Variants in CFAP44 observed in about 807,000 individuals in gnomAD.
CFAP44 encodes the protein cilia- and flagella-associated protein 44.
In CFAP44, 134 loss-of-function variants were observed where a neutral mutation model predicts 216.2. That is an observed-to-expected ratio of 0.62 (90% CI 0.54 to 0.72). The LOEUF is 0.72. CFAP44 is among the 30% of genes least tolerant of loss of function. The probability of loss-of-function intolerance (pLI) is 0.00; values close to 1 mark genes in which losing one functional copy is unlikely to be tolerated. For missense variants in CFAP44, 2,035 were observed against 2,182.1 expected (o/e 0.93, Z 1.34); for synonymous variants, 700 against 727.6 (o/e 0.96, Z 0.61).
chr3:113,362,162 C>T (rs1950547590), intron 21 of CFAP44, among the ~76,000 whole-genome samples: 2 of 152,036 alleles, frequency 1.3e-5, no homozygotes, highest in Admixed American at 1.3e-4. Context: ...GAGAACAGGG[C>T]TTTGCTTCTC....
chr3:113,358,579 G>A (rs1253485219), intron 22 of CFAP44, among the ~76,000 whole-genome samples, 166 bp downstream of exon 22: 3 of 152,154 alleles, frequency 2.0e-5, no homozygotes, highest in African/African-American at 7.2e-5. Flanking sequence ...TGCACAGAAA[G>A]CTCAGGAAAA....
At chr3:113,371,115 T>C (rs894536182) in intron 18 of CFAP44, among the ~76,000 whole-genome samples, 18 of 152,206 alleles carry the variant, frequency 1.2e-4, no homozygotes, top group Non-Finnish European at 4.4e-5. Flanking sequence ...TCCATGTTCA[T>C]GGATAGGAAG....
chr3:113,336,656 A>G (rs1213021958), intron 24 of CFAP44, among the ~76,000 whole-genome samples: 5 of 152,210 alleles, frequency 3.3e-5, no homozygotes, highest in African/African-American at 9.6e-5. Context: ...TCCAAAAAAT[A>G]GAACAAACAG....
chr3:113,309,120 C>T (rs1288321147), intron 28 of CFAP44, among the ~76,000 whole-genome samples: 1 of 152,134 alleles, frequency 6.6e-6, no homozygotes, highest in Non-Finnish European at 1.5e-5. Context: ...CTGACTAGTT[C>T]CTGACCTTGA....
intron 28 of CFAP44, among the ~76,000 whole-genome samples, chr3:113,316,600 G>C (rs775155650): frequency 1.7e-4 from 26 of 152,274 alleles, no homozygotes; most frequent in Non-Finnish European, 2.4e-4. Context: ...TGGCTGTAGT[G>C]GCTCACGCCT....
At chr3:113,409,388 A>G in intron 6 of CFAP44, 66 bp from the exon 7 acceptor site, 1 of 1,425,714 alleles carries the variant, frequency 7.0e-7, no homozygotes, top group Non-Finnish European at 9.7e-7. Flanking sequence ...AACATATTGT[A>G]AAAAAAAGAG....
rs150202826 is a variant in CFAP44, at chr3:113,324,743, T to C, written c.4516+1702A>G. Reference sequence around the variant, plus strand: ...CATGCAATAAGGCCAGAAAATGAAATAGGCATCCTGATCAGAAATAAATAA... The same window carrying C: ...CATGCAATAAGGCCAGAAAATGAAACAGGCATCCTGATCAGAAATAAATAA... On this transcript the variant is annotated intron_variant, in intron 28 of 34. Transcript: ENST00000393845. 5.3e-5 allele frequency among the ~76,000 whole-genome samples: 8 copies of C among 152,274 alleles called. No homozygotes were observed. The East Asian group carries it at 1.5e-3, about 29-fold the overall frequency.
At chr3:113,312,331 C>T (rs2107797980) in intron 28 of CFAP44, among the ~76,000 whole-genome samples, 1 of 151,426 alleles carries the variant, frequency 6.6e-6, no homozygotes, top group East Asian at 1.9e-4. Context: ...GATCCGCCCA[C>T]CTCAGCCTCC....
At chr3:113,347,901 G>C (rs1399661107) in intron 22 of CFAP44, among the ~76,000 whole-genome samples, 1 of 152,156 alleles carries the variant, frequency 6.6e-6, no homozygotes, top group Non-Finnish European at 1.5e-5. Context: ...GTATGCATCA[G>C]TAAGGGCCAC....
At chr3:113,411,197 G>A (rs1046607748) in intron 6 of CFAP44, among the ~76,000 whole-genome samples, 2 of 152,168 alleles carry the variant, frequency 1.3e-5, no homozygotes, top group African/African-American at 4.8e-5. Flanking sequence ...TGCTTTTGGT[G>A]TTTTACACAT....
intron 28 of CFAP44, among the ~76,000 whole-genome samples, chr3:113,315,167 T>TCATA (rs1308421606): frequency 5.3e-5 from 8 of 151,180 alleles, no homozygotes; most frequent in Admixed American, 5.3e-4. Flanking sequence ...CATTATCCAA[T>TCATA]CATACGCTGA....
Position 113,296,042 on chromosome 3 carries a change from C to G in CFAP44, c.5238+683G>C, listed in dbSNP as rs113188674. 2.1e-3 allele frequency among the ~76,000 whole-genome samples: 319 copies of G among 152,252 alleles called. 2 individuals carry two copies. Among genetic ancestry groups the G allele is most frequent in the African/African-American group, 7.2e-3 (300 of 41,544 alleles). ...GTACCTAGTAGGTAATTTTTCAACC[C>G]TCACCCCCACCATCCTCCCCGCTGC... On this transcript the variant is annotated intron_variant, in intron 33 of 34. Transcript: ENST00000393845.
chr3:113,356,686 C>G (rs1169594980), intron 22 of CFAP44, among the ~76,000 whole-genome samples: 1 of 151,970 alleles, frequency 6.6e-6, no homozygotes, highest in African/African-American at 2.4e-5. Context: ...AAAAATTATT[C>G]AAGATGTAAA....
intron 24 of CFAP44, 142 bp downstream of exon 24, chr3:113,341,602 A>G (rs527400570): frequency 1.4e-4 from 145 of 1,009,276 alleles, no homozygotes; most frequent in Non-Finnish European, 1.8e-4. Flanking sequence ...TGACCTGTTT[A>G]TAATATCTCC....
intron 15 of CFAP44, among the ~76,000 whole-genome samples, chr3:113,387,646 T>G (rs1933685036): frequency 6.6e-6 from 1 of 152,062 alleles, no homozygotes; most frequent in African/African-American, 2.4e-5. Context: ...GAAGGACTCC[T>G]TCTGCTTGAG....
chr3:113,339,133 A>G (rs376257525), intron 24 of CFAP44, among the ~76,000 whole-genome samples: 1 of 152,194 alleles, frequency 6.6e-6, no homozygotes, highest in East Asian at 1.9e-4. Flanking sequence ...AATGGTATCA[A>G]AAATGAATGG....
At chr3:113,370,587 G>A (rs7618760) in intron 18 of CFAP44, among the ~76,000 whole-genome samples, 2 of 152,058 alleles carry the variant, frequency 1.3e-5, no homozygotes, top group African/African-American at 2.4e-5. Context: ...ACCTCAAAAT[G>A]ATAAGAGCTA....
In CFAP44 at chr3:113,295,008, T is replaced by C. The variant is rs562711222; in HGVS notation, c.5239-187A>G. Among the ~76,000 whole-genome samples, 22 of 152,098 alleles carry C rather than the reference T, an allele frequency of 1.4e-4. 1 individual carries two copies. In the South Asian group the frequency reaches 4.4e-3, roughly 30 times the overall value. ...GGTCTGGTTTGATTAAAGATAAGAA[T>C]ATAAGTATGCTCAAGAATAGGAGTA... On this transcript the variant is annotated intron_variant, in intron 33 of 34. Coordinates refer to ENST00000393845, the MANE Select transcript of CFAP44 (RefSeq NM_001164496.2).
intron 15 of CFAP44, among the ~76,000 whole-genome samples, chr3:113,389,562 C>T (rs964198802): frequency 6.6e-6 from 1 of 151,622 alleles, no homozygotes; most frequent in East Asian, 1.9e-4. Context: ...AAAAGATCAA[C>T]AAATTAAAAA....
Sources: gnomAD v4.1 joint callset for allele counts (sites outside exome capture counted in the v4.1 genomes callset) on GRCh38, gnomAD v4.1.1 for gene constraint, MANE v1.5 for transcripts, NCBI Gene and HGNC (gene_info 2026-07-23, HGNC 2026-07-21) for gene names.